The following ATP2B2 variants were observed in gnomAD, a reference collection of about 807,000 sequenced individuals.
ATP2B2 encodes the protein ATPase plasma membrane Ca2+ transporting 2.
A neutral mutation model predicts 120.0 loss-of-function variants in ATP2B2; 15 were observed. The ratio of observed to expected loss-of-function variants is 0.12; its 90% CI spans 0.08 to 0.19. ATP2B2 has a LOEUF of 0.19. Among genes scored for constraint, ATP2B2 ranks in the 10% least tolerant of loss-of-function variants. ATP2B2 has a pLI of 1.00. For missense variants in ATP2B2, 1,045 were observed against 1,719.8 expected (o/e 0.61, Z 6.94); for synonymous variants, 694 against 700.3 (o/e 0.99, Z 0.14).
chr3:10,666,521 G>A (rs533882804), intron 1 of ATP2B2, among the ~76,000 whole-genome samples: 3 of 152,306 alleles, frequency 2.0e-5, no homozygotes, highest in African/African-American at 7.2e-5. Flanking sequence ...CTTCCAGGAC[G>A]CCTGCCCAGA....
At position 10,494,080 on chromosome 3, in the gene ATP2B2, T is replaced by C. The variant is rs2066041238; in HGVS notation, c.-320+11385A>G. On this transcript the variant is annotated intron_variant, in intron 1 of 22. Coordinates refer to ENST00000360273, the MANE Select transcript of ATP2B2 (RefSeq NM_001001331.4). ...ACCGAGGAGTCTAGGCTTTATCCAC[T>C]TGGCAACGGGGAGCACTGAAGACTT... Among the ~76,000 whole-genome samples, 3 of 152,120 alleles carry C rather than the reference T, an allele frequency of 2.0e-5. No homozygotes were observed. In the South Asian group the frequency reaches 6.2e-4, roughly 32 times the overall value.
intron 12 of ATP2B2, among the ~76,000 whole-genome samples, chr3:10,367,968 G>A (rs914324846): frequency 2.0e-5 from 3 of 152,212 alleles, no homozygotes; most frequent in Non-Finnish European, 4.4e-5. Context: ...TGTTGGGGCT[G>A]GGATATGAAC....
At chr3:10,703,466 C>T (rs2071850356) in intron 1 of ATP2B2, among the ~76,000 whole-genome samples, 1 of 152,176 alleles carries the variant, frequency 6.6e-6, no homozygotes, top group Non-Finnish European at 1.5e-5. Context: ...ATATTCGGCT[C>T]CTCTACCTGC....
Position 10,375,731 on chromosome 3 carries a change from C to T in ATP2B2, c.1202-87G>A, listed in dbSNP as rs1041027148. On this transcript the variant is annotated intron_variant, in intron 10 of 22. Coordinates refer to ENST00000360273, the MANE Select transcript of ATP2B2 (RefSeq NM_001001331.4). The surrounding 1 kb of genome is among the most constrained non-coding windows in gnomAD (Gnocchi z 4.2). Reference sequence around the variant, plus strand: ...ACCAAATCTTTGGCTGAAAGAGCTCCGGGTCAGGCTGACCCCAGCTCACCT... The same window carrying T: ...ACCAAATCTTTGGCTGAAAGAGCTCTGGGTCAGGCTGACCCCAGCTCACCT... The T allele has an allele frequency of 7.1e-5, 89 of 1,258,904 alleles. No individual in the cohort carries two copies. The African/African-American group carries it at 7.6e-4, about 11-fold the overall frequency. 78.0% of individuals were successfully genotyped at this position (1,258,904 alleles called of 1,614,324 possible). A position where few individuals can be genotyped will look rare whatever the true frequency, so the allele number is the denominator to read the frequency against.
At position 10,385,651 on chromosome 3, in the gene ATP2B2, G is replaced by A. The variant is rs141685232; in HGVS notation, c.941-324C>T. 1.2e-3 allele frequency among the ~76,000 whole-genome samples: 176 copies of A among 152,328 alleles called. 6 individuals are homozygous for A. In the South Asian group the frequency reaches 0.027, roughly 24 times the overall value. On this transcript the variant is annotated intron_variant, in intron 7 of 22. Coordinates refer to ENST00000360273, the MANE Select transcript of ATP2B2 (RefSeq NM_001001331.4). ...AACCAGTCAAGAGAGTCCCCTGGAAGAGAGGGCTCCATGAAATGAGGAGAT... is the reference window on the plus strand; with the variant it reads ...AACCAGTCAAGAGAGTCCCCTGGAAAAGAGGGCTCCATGAAATGAGGAGAT...
At chr3:10,338,578 G>A (rs1287600494) in intron 21 of ATP2B2, 2 of 564,426 alleles carry the variant, frequency 3.5e-6, no homozygotes, top group East Asian at 6.2e-5. Flanking sequence ...TTGTTGCCCA[G>A]GCTGGAGTGC....
At chr3:10,431,017 T>C (rs1433401714) in intron 2 of ATP2B2, among the ~76,000 whole-genome samples, 3 of 151,760 alleles carry the variant, frequency 2.0e-5, no homozygotes, top group South Asian at 2.1e-4. Flanking sequence ...CTGGGAATGT[T>C]AGGATACCCA....
intron 1 of ATP2B2, among the ~76,000 whole-genome samples, chr3:10,633,991 G>A (rs751768128): frequency 1.5e-4 from 23 of 152,064 alleles, no homozygotes; most frequent in East Asian, 3.9e-4. Context: ...ATGCCCCACC[G>A]CCCAACCCGA....
intron 1 of ATP2B2, among the ~76,000 whole-genome samples, chr3:10,658,442 C>A (rs1219498261): frequency 6.6e-6 from 1 of 152,086 alleles, no homozygotes; most frequent in Non-Finnish European, 1.5e-5. Flanking sequence ...AACTATGTGA[C>A]AAATGCACAA....
chr3:10,699,978 C>T (rs768815975), intron 1 of ATP2B2, among the ~76,000 whole-genome samples: 2 of 152,106 alleles, frequency 1.3e-5, no homozygotes, highest in Non-Finnish European at 2.9e-5. Flanking sequence ...TTCAAGTGGT[C>T]TCTTACAATA....
At chr3:10,564,199 C>A (rs1158721838) in intron 2 of ATP2B2, among the ~76,000 whole-genome samples, 13 of 152,222 alleles carry the variant, frequency 8.5e-5, no homozygotes, top group Admixed American at 7.8e-4. Flanking sequence ...CCCTTGGGGG[C>A]TGATCAATAA....
In ATP2B2 at chr3:10,567,243, C is replaced by T. The variant is rs116564148; in HGVS notation, c.-414-33110G>A. Among the ~76,000 whole-genome samples the T allele has an allele frequency of 5.8e-3, 881 of 152,316 alleles. 6 individuals are homozygous for T. The highest frequency in any genetic ancestry group is 0.02 in the African/African-American group (821 of 41,562). On this transcript the variant is annotated intron_variant, in intron 2 of 21. Coordinates refer to the ATP2B2 transcript ENST00000646379. ...GAATGCCCTTTTGGAATTTAGGGGG[C>T]CACATGTTGCAGTGAAAGTGGGTTT...
chr3:10,613,248 G>C (rs750790012), intron 2 of ATP2B2, among the ~76,000 whole-genome samples: 16 of 152,166 alleles, frequency 1.1e-4, no homozygotes, highest in Non-Finnish European at 2.9e-5. Flanking sequence ...GGCCCTTCCA[G>C]ACCTCACCCT....
intron 1 of ATP2B2, among the ~76,000 whole-genome samples, chr3:10,494,107 G>A (rs553122056): frequency 9.2e-5 from 14 of 152,154 alleles, no homozygotes; most frequent in African/African-American, 3.1e-4. Flanking sequence ...TGAAGACTTT[G>A]ACCAGAGTGA....
At position 10,680,241 on chromosome 3, in the gene ATP2B2, A is replaced by G. The variant is rs556863622; in HGVS notation, c.-460+27674T>C. 2.1e-3 allele frequency among the ~76,000 whole-genome samples: 319 copies of G among 152,214 alleles called. 1 individual carries two copies. The highest frequency in any genetic ancestry group is 3.5e-3 in the Non-Finnish European group (235 of 68,008). Reference sequence around the variant, plus strand: ...GATCACTGGTCTTCTCAGGGTCTCCACTTTGCCATTTGTAAAGTGGGAGGC... The same window carrying G: ...GATCACTGGTCTTCTCAGGGTCTCCGCTTTGCCATTTGTAAAGTGGGAGGC... On this transcript the variant is annotated intron_variant, in intron 1 of 21. Transcript: ENST00000646379.
intron 2 of ATP2B2, among the ~76,000 whole-genome samples, chr3:10,576,504 T>G (rs9836146): frequency 0.18 from 27,786 of 152,054 alleles, 3,721 homozygotes; most frequent in African/African-American, 0.37. Context: ...CCTGTCTTCT[T>G]AGTAGCTGAA....
chr3:10,473,986 C>G (rs763932014), intron 1 of ATP2B2, among the ~76,000 whole-genome samples: 2 of 152,164 alleles, frequency 1.3e-5, no homozygotes, highest in African/African-American at 2.4e-5. Flanking sequence ...TTTCACGGAT[C>G]TGTCATGCAT....
At chr3:10,548,412 C>T (rs2067596390) in intron 2 of ATP2B2, among the ~76,000 whole-genome samples, 1 of 152,216 alleles carries the variant, frequency 6.6e-6, no homozygotes, top group African/African-American at 2.4e-5. Context: ...AACTCACCAA[C>T]CCCAGCAGCT....
intron 5 of ATP2B2, 56 bp downstream of exon 5, chr3:10,400,897 C>A: frequency 1.2e-6 from 2 of 1,611,024 alleles, no homozygotes; most frequent in Non-Finnish European, 1.7e-6. Flanking sequence ...AGGGGACACA[C>A]AGGCATCCCC....
Sources: allele counts gnomAD v4.1 joint callset (sites outside exome capture counted in the v4.1 genomes callset), GRCh38; gene constraint gnomAD v4.1.1; non-coding constraint Gnocchi (gnomAD v3.1); transcripts MANE v1.5; gene names NCBI Gene and HGNC (gene_info 2026-07-23, HGNC 2026-07-21).